The following EDEM1 variants were observed in gnomAD, a reference collection of about 807,000 sequenced individuals.
The protein encoded by EDEM1 is ER degradation-enhancing alpha-mannosidase-like protein 1.
A neutral mutation model predicts 74.4 loss-of-function variants in EDEM1; 67 were observed. The ratio of observed to expected loss-of-function variants is 0.90; its 90% CI spans 0.74 to 1.10. EDEM1 has a LOEUF of 1.10. Ranked by LOEUF, EDEM1 falls within the 50% of genes least tolerant of loss-of-function variation. EDEM1 has a pLI of 0.00. For synonymous variants in EDEM1, 382 were observed against 335.9 expected (o/e 1.14, Z -1.50); for missense variants, 926 against 851.6 (o/e 1.09, Z -1.09).
chr3:5,208,080 G>A lies in EDEM1; in HGVS notation c.1339-13G>A, dbSNP rs754097657. 3.2e-6 allele frequency: 5 copies of A among 1,587,126 alleles called. No homozygotes were observed. The highest frequency in any genetic ancestry group is 3.4e-6 in the Non-Finnish European group (4 of 1,170,132). On this transcript the variant is annotated splice_polypyrimidine_tract_variant and intron_variant, in intron 7 of 11. Transcript: ENST00000256497. ...ATGGTATCTCAGCCTGATGACCTGT[G>A]TCCTCTCCTTAGGTGCTGATAGGAG... is the stretch of plus-strand genomic sequence containing the variant.
intron 9 of EDEM1, among the ~76,000 whole-genome samples, chr3:5,210,865 A>G (rs888205004): frequency 6.6e-6 from 1 of 152,184 alleles, no homozygotes; most frequent in African/African-American, 2.4e-5. Context: ...GTGCCACGTT[A>G]TGCTTCTGGC....
At position 5,200,000 on chromosome 3, in the gene EDEM1, A is replaced by G. The variant is rs139805286; in HGVS notation, c.686+305A>G. ...ACCTAGGCTGGAGGGCAGTGGTGCA[A>G]TCTTGGCTCACTGCAATCTCCACCT... is the stretch of plus-strand genomic sequence containing the variant. On this transcript the variant is annotated intron_variant, in intron 3 of 11. Transcript: ENST00000256497. Among the ~76,000 whole-genome samples the G allele has an allele frequency of 7.3e-4, 110 of 151,202 alleles. 1 individual carries two copies. Among genetic ancestry groups the G allele is most frequent in the South Asian group, 5.5e-3 (26 of 4,766 alleles).
chr3:5,201,500 T>C (rs2055034058), intron 3 of EDEM1, among the ~76,000 whole-genome samples: 1 of 152,170 alleles, frequency 6.6e-6, no homozygotes, highest in African/African-American at 2.4e-5. Flanking sequence ...ATTGTTACTA[T>C]TTTAAATAGC....
At chr3:5,212,561 C>G (rs920123801) in intron 10 of EDEM1, among the ~76,000 whole-genome samples, 1 of 152,238 alleles carries the variant, frequency 6.6e-6, no homozygotes, top group Admixed American at 6.5e-5. Flanking sequence ...CTGTTCTTCT[C>G]TTGTTACTGT....
intron 1 of EDEM1, among the ~76,000 whole-genome samples, chr3:5,191,653 T>C (rs537516545): frequency 1.3e-5 from 2 of 152,306 alleles, no homozygotes; most frequent in East Asian, 3.9e-4. Context: ...TAAACACTCT[T>C]ACCGTTTCTC....
intron 11 of EDEM1, among the ~76,000 whole-genome samples, chr3:5,214,134 A>G (rs1266723374): frequency 1.3e-5 from 2 of 152,364 alleles, no homozygotes; most frequent in Middle Eastern, 3.4e-3. Context: ...GATTGTCCTG[A>G]GAAGCAGCAG....
Position 5,208,140 on chromosome 3 carries a change from C to G in EDEM1, c.1386C>G (p.Tyr462Ter), listed in dbSNP as rs1274499142. The change falls in exon 8 of 12, where the codon TAC becomes TAG. Residue 462 changes from tyrosine to a stop codon, truncating the protein, a stop_gained. Coordinates refer to ENST00000256497, the MANE Select transcript of EDEM1 (RefSeq NM_014674.3). LOFTEE classifies it high-confidence loss of function. ...ATGCCATCTGCCTTCATGCCTTCTA[C>G]TATGCCATATGGAAACGATATGGTG... is the stretch of plus-strand genomic sequence containing the variant. ...VEDAICLHAF[Y>*]YAIWKRYGAL... The G allele has an allele frequency of 6.2e-7, 1 of 1,611,342 alleles. No homozygotes were observed. The highest frequency in any genetic ancestry group is 8.5e-7 in the Non-Finnish European group (1 of 1,179,332).
rs774272428 is a variant in EDEM1 at position 5,215,932 on chromosome 3, A to T, written c.*14A>T. ...GGTTTGATTTGATCTGCTCTCTGTG[A>T]GGCCTCATCTTGAACCAGACCTTAA... On this transcript the variant is annotated 3_prime_UTR_variant, in exon 12 of 12. Transcript: ENST00000256497. 1 of 1,608,366 alleles carries T rather than the reference A, an allele frequency of 6.2e-7. No homozygotes were observed. The highest frequency in any genetic ancestry group is 8.5e-7 in the Non-Finnish European group (1 of 1,177,072).
At chr3:5,199,211 A>T (rs751799874) in intron 2 of EDEM1, among the ~76,000 whole-genome samples, 13 of 152,172 alleles carry the variant, frequency 8.5e-5, no homozygotes, top group Non-Finnish European at 1.6e-4. Flanking sequence ...AGAAAGACAT[A>T]TTTTTGTTTC....
rs769649771 is a variant in EDEM1 at position 5,188,286 on chromosome 3, C to T, written c.481C>T (p.Arg161Cys). The T allele has an allele frequency of 7.8e-6, 12 of 1,541,742 alleles. No homozygotes were observed. In the South Asian group the frequency reaches 1.3e-4, roughly 17 times the overall value. ...PQDELNPIHC[R>C]GRGPDRGDPS... ...GGACGAGCTCAACCCCATCCACTGC[C>T]GCGGCCGTGGGCCCGACCGCGGGGA... Residue 161 changes from arginine (R) to cysteine (C), a missense_variant, in exon 1 of 12, where the codon CGC becomes TGC. Transcript: ENST00000256497.
intron 10 of EDEM1, 128 bp downstream of exon 10, chr3:5,211,344 C>G (rs1437939899): frequency 2.3e-6 from 2 of 865,142 alleles, no homozygotes; most frequent in African/African-American, 3.3e-5. Flanking sequence ...TCCCAGGATG[C>G]AAACGCTGTC....
Position 5,188,169 on chromosome 3 carries a change from T to G in EDEM1, c.364T>G (p.Phe122Val), listed in dbSNP as rs780315979. The part of the protein sequence containing the change: ...DEYEKRYSGA[F>V]PPQLRAQMRD... ...GTACGAGAAGCGCTACAGCGGCGCC[T>G]TCCCTCCGCAGCTGCGTGCCCAGAT... The change falls in exon 1 of 12, where the codon TTC (phenylalanine) becomes GTC (valine). Residue 122 changes from phenylalanine to valine, a missense_variant. Coordinates refer to ENST00000256497, the MANE Select transcript of EDEM1 (RefSeq NM_014674.3). The G allele has an allele frequency of 2.6e-6, 4 of 1,554,996 alleles. No individual in the cohort carries two copies. Among genetic ancestry groups the G allele is most frequent in the Non-Finnish European group, 3.5e-6 (4 of 1,151,948 alleles).
Position 5,199,630 on chromosome 3 carries a change from G to A in EDEM1, c.621G>A (p.Lys207=). Residue 207 remains lysine, a synonymous_variant, in exon 3 of 12, where the codon AAG becomes AAA. Coordinates refer to ENST00000256497, the MANE Select transcript of EDEM1 (RefSeq NM_014674.3). ...GNSSEFQKAV[K]LVINTVSFDK... ...CATCCGAGTTCCAGAAAGCCGTCAAGTTAGTGATCAACACAGTTTCATTTG... is the reference window on the plus strand; with the variant it reads ...CATCCGAGTTCCAGAAAGCCGTCAAATTAGTGATCAACACAGTTTCATTTG... 6.2e-7 allele frequency: 1 copy of A among 1,613,850 alleles called. No individual in the cohort carries two copies. The highest frequency in any genetic ancestry group is 1.1e-5 in the South Asian group (1 of 91,024).
At position 5,201,944 on chromosome 3, in the gene EDEM1, C is replaced by G; in HGVS notation, c.858+20C>G. The G allele has an allele frequency of 1.3e-6, 2 of 1,590,924 alleles. No individual in the cohort carries two copies. Among genetic ancestry groups the G allele is most frequent in the South Asian group, 1.1e-5 (1 of 87,220 alleles). On this transcript the variant is annotated intron_variant, in intron 4 of 11. Coordinates refer to ENST00000256497, the MANE Select transcript of EDEM1 (RefSeq NM_014674.3). ...CCTCGGGTGGGTAGACTGGTTTGAC[C>G]CTTTGTGTTTGACAATTCACTATCT...
chr3:5,219,752 A>G lies in EDEM1; in HGVS notation c.*3834A>G, dbSNP rs1023240542. On this transcript the variant is annotated 3_prime_UTR_variant, in exon 12 of 12. Transcript: ENST00000256497. Reference sequence around the variant, plus strand: ...CTGGGAAAACTTACGGAAATACACAAATGCTTCTCTGTAATGTGCAATATG... The same window carrying G: ...CTGGGAAAACTTACGGAAATACACAGATGCTTCTCTGTAATGTGCAATATG... The G allele has an allele frequency of 1.2e-4, 18 of 152,664 alleles. No homozygotes were observed. The highest frequency in any genetic ancestry group is 7.8e-4 in the Admixed American group (12 of 15,294). The allele number at this position is 152,664 out of a possible 1,614,324, so 9.5% of individuals were successfully genotyped here.
chr3:5,195,685 G>A (rs2054957595), intron 2 of EDEM1, among the ~76,000 whole-genome samples: 1 of 152,196 alleles, frequency 6.6e-6, no homozygotes, highest in South Asian at 2.1e-4. Context: ...GGCTCCCCCA[G>A]GAGCAAGTTG....
chr3:5,188,114 G>C lies in EDEM1; in HGVS notation c.309G>C (p.Val103=). The part of the protein sequence containing the change: ...GMCGPANWGY[V]LGGRGRGPDE... ...GCGGCCCAGCCAACTGGGGCTACGT[G>C]CTGGGCGGCCGGGGCCGCGGCCCGG... Residue 103 remains valine (V), a synonymous_variant, in exon 1 of 12, where the codon GTG becomes GTC. Coordinates refer to ENST00000256497, the MANE Select transcript of EDEM1 (RefSeq NM_014674.3). The C allele has an allele frequency of 6.6e-7, 1 of 1,521,400 alleles. No individual in the cohort carries two copies. Among genetic ancestry groups the C allele is most frequent in the East Asian group, 2.7e-5 (1 of 37,214 alleles). 94.2% of individuals were successfully genotyped at this position (1,521,400 alleles called of 1,614,324 possible). A position where few individuals can be genotyped will look rare whatever the true frequency, so the allele number is the denominator to read the frequency against.
intron 1 of EDEM1, chr3:5,188,556 G>A (rs927480336): frequency 1.5e-5 from 6 of 400,884 alleles, no homozygotes; most frequent in African/African-American, 1.3e-4. Flanking sequence ...CAGAACTGCT[G>A]TCCAGCTCAG....
rs1455146742 is a variant in EDEM1, at chr3:5,207,276, A to G, written c.1338+3A>G. On this transcript the variant is annotated splice_donor_region_variant and intron_variant, in intron 7 of 11. Transcript: ENST00000256497. ...AGGCCTTTTTCCCTGGACTGCAGGT[A>G]TTTTGCCATCAGATTTCCTAAGAAT... 1.9e-6 allele frequency: 3 copies of G among 1,613,324 alleles called. No individual in the cohort carries two copies. The highest frequency in any genetic ancestry group is 2.7e-5 in the African/African-American group (2 of 74,860).
Sources: gnomAD v4.1 joint callset for allele counts (sites outside exome capture counted in the v4.1 genomes callset) on GRCh38, gnomAD v4.1.1 for gene constraint, MANE v1.5 for transcripts, NCBI Gene and HGNC (gene_info 2026-07-23, HGNC 2026-07-21) for gene names.